The following RAB6B variants were observed in gnomAD, a reference collection of about 807,000 sequenced individuals.
The protein encoded by RAB6B is ras-related protein Rab-6B.
In RAB6B, 7 loss-of-function variants were observed where a neutral mutation model predicts 31.2. The ratio of observed to expected loss-of-function variants is 0.22; its 90% confidence interval spans 0.13 to 0.42. The LOEUF is 0.42. Among genes scored for constraint, RAB6B ranks in the 10% least tolerant of loss-of-function variants. The pLI is 1.00. For synonymous variants in RAB6B, 105 were observed against 104.9 expected, an observed-to-expected ratio of 1.00 and a Z score of -0.01; for missense variants, 149 against 280.6, an observed-to-expected ratio of 0.53 and a Z score of 3.35.
At chr3:133,872,731 C>G (rs909242452) in intron 1 of RAB6B, among the ~76,000 whole-genome samples, 1 of 152,188 alleles carries the variant, frequency 6.6e-6, no homozygotes, top group Non-Finnish European at 1.5e-5. Context: ...TGAGGAAACA[C>G]GTGAAAAACC....
intron 1 of RAB6B, among the ~76,000 whole-genome samples, chr3:133,886,490 G>A (rs1262586046): frequency 6.6e-6 from 1 of 152,166 alleles, no homozygotes; most frequent in Non-Finnish European, 1.5e-5. Flanking sequence ...CCCTGAGCAG[G>A]TTTGGTGGCC....
chr3:133,828,458 CAAAT>C lies in RAB6B; in HGVS notation c.*326_*329del. ...ATACAAAAACAAAAAGCACATCTTTCAAATAAAAATGACTACATTTTTATCTGGC... is the reference window on the plus strand; with the variant it reads ...ATACAAAAACAAAAAGCACATCTTTCAAAAATGACTACATTTTTATCTGGC... On this transcript the variant is annotated 3_prime_UTR_variant, in exon 8 of 8. Coordinates refer to ENST00000285208, the MANE Select transcript of RAB6B (RefSeq NM_016577.4). The C allele has an allele frequency of 2.5e-6, 1 of 405,972 alleles. No homozygotes were observed. Among genetic ancestry groups the C allele is most frequent in the Non-Finnish European group, 4.4e-6 (1 of 227,200 alleles). The allele number at this position is 405,972 out of a possible 1,614,324, so 25.1% of individuals were successfully genotyped here. A position where few individuals can be genotyped will look rare whatever the true frequency, so the allele number is the denominator to read the frequency against.
intron 1 of RAB6B, among the ~76,000 whole-genome samples, chr3:133,884,395 C>A (rs1257693812): frequency 6.6e-6 from 1 of 152,230 alleles, no homozygotes; most frequent in African/African-American, 2.4e-5. Flanking sequence ...TCTACTCTGG[C>A]CCCTTGGCTT....
At chr3:133,833,173 C>T (rs753299013) in intron 7 of RAB6B, among the ~76,000 whole-genome samples, 5 of 152,174 alleles carry the variant, frequency 3.3e-5, no homozygotes, top group Middle Eastern at 3.2e-3. Context: ...GTTCCTGGAA[C>T]CTCAAAGGAG....
At chr3:133,845,513 G>A (rs1270179226) in intron 2 of RAB6B, among the ~76,000 whole-genome samples, 1 of 152,212 alleles carries the variant, frequency 6.6e-6, no homozygotes, top group African/African-American at 2.4e-5. Flanking sequence ...CCTGAACTGT[G>A]AGCAATAAAT....
intron 1 of RAB6B, among the ~76,000 whole-genome samples, chr3:133,889,438 ATATATATT>A (rs1936605839): frequency 4.2e-5 from 3 of 70,776 alleles, no homozygotes; most frequent in Non-Finnish European, 5.7e-5. Context: ...ATATATATAT[ATATATATT>A]TATTTTGGGA....
At chr3:133,878,367 A>G (rs1462950850) in intron 1 of RAB6B, among the ~76,000 whole-genome samples, 8 of 152,236 alleles carry the variant, frequency 5.3e-5, no homozygotes, top group African/African-American at 1.9e-4. Context: ...TGCAAGCAAG[A>G]AGGCAATGGT....
intron 1 of RAB6B, among the ~76,000 whole-genome samples, chr3:133,891,897 G>A (rs1161278578): frequency 6.6e-6 from 1 of 152,192 alleles, no homozygotes; most frequent in Admixed American, 6.5e-5. Flanking sequence ...AGCAGACAGA[G>A]CTTTTGCGTC....
At chr3:133,855,490 T>A (rs1272965107) in intron 2 of RAB6B, among the ~76,000 whole-genome samples, 1 of 152,228 alleles carries the variant, frequency 6.6e-6, no homozygotes, top group Non-Finnish European at 1.5e-5. Context: ...ACATACACCT[T>A]CAAATTTTAA....
intron 5 of RAB6B, 49 bp from the exon 6 acceptor site, chr3:133,838,308 C>T (rs1325557173): frequency 1.9e-6 from 3 of 1,559,846 alleles, no homozygotes; most frequent in Non-Finnish European, 2.7e-6. Context: ...GAAGCAGACC[C>T]TGGCAGATAT....
At chr3:133,893,490 C>T (rs542284221) in intron 1 of RAB6B, among the ~76,000 whole-genome samples, 3 of 152,270 alleles carry the variant, frequency 2.0e-5, no homozygotes, top group East Asian at 3.9e-4. Context: ...CAGGGGCCTC[C>T]GTTCATCAGG....
chr3:133,864,003 A>G (rs1428828240), intron 2 of RAB6B, among the ~76,000 whole-genome samples: 1 of 152,100 alleles, frequency 6.6e-6, no homozygotes, highest in Non-Finnish European at 1.5e-5. Flanking sequence ...GGTTGACCCC[A>G]GACTACGCCT....
chr3:133,841,949 A>T (rs1935841945), intron 2 of RAB6B, among the ~76,000 whole-genome samples: 1 of 152,198 alleles, frequency 6.6e-6, no homozygotes, highest in African/African-American at 2.4e-5. Context: ...AGGCCTCCCC[A>T]GGAGCAAGGC....
chr3:133,828,048 CT>C lies in RAB6B; in HGVS notation c.*739del, dbSNP rs1215065212. ...GAGGGCACAGAGAACACAAGGTTGC[CT>C]GTACCCTCAACCCCCTTCAAGGCTT... On this transcript the variant is annotated 3_prime_UTR_variant, in exon 8 of 8. Transcript: ENST00000285208. 1 of 699,912 alleles carries C rather than the reference CT, an allele frequency of 1.4e-6. No individual in the cohort carries two copies. Among genetic ancestry groups the C allele is most frequent in the East Asian group, 2.7e-5 (1 of 37,240 alleles). The allele number at this position is 699,912 out of a possible 1,614,324, so 43.4% of individuals were successfully genotyped here. A position where few individuals can be genotyped will look rare whatever the true frequency, so the allele number is the denominator to read the frequency against.
chr3:133,876,881 T>C (rs1335618109), intron 1 of RAB6B, among the ~76,000 whole-genome samples: 1 of 151,910 alleles, frequency 6.6e-6, no homozygotes, highest in Non-Finnish European at 1.5e-5. Context: ...TGATGTTCCC[T>C]ATAAACAAAT....
chr3:133,871,559 C>A (rs147909042), intron 1 of RAB6B, among the ~76,000 whole-genome samples: 47 of 152,326 alleles, frequency 3.1e-4, no homozygotes, highest in Admixed American at 1.2e-3. Flanking sequence ...TTGTCTTGTG[C>A]CCACATCACA....
chr3:133,855,734 A>G (rs897986502), intron 2 of RAB6B, among the ~76,000 whole-genome samples: 1 of 152,342 alleles, frequency 6.6e-6, no homozygotes, highest in South Asian at 2.1e-4. Flanking sequence ...AGATTACTAA[A>G]GCCTGGAGCA....
intron 1 of RAB6B, among the ~76,000 whole-genome samples, chr3:133,882,805 G>A (rs891719000): frequency 6.6e-6 from 1 of 152,210 alleles, no homozygotes; most frequent in South Asian, 2.1e-4. Context: ...AACATCTGGG[G>A]TGCTATCCTC....
chr3:133,873,885 T>C lies in RAB6B; in HGVS notation c.71-9243A>G, dbSNP rs535139901. Among the ~76,000 whole-genome samples the C allele has an allele frequency of 1.4e-3, 219 of 152,370 alleles. 2 individuals carry two copies. Among genetic ancestry groups the C allele is most frequent in the Non-Finnish European group, 2.6e-3 (175 of 68,034 alleles). The stretch of plus-strand genomic sequence containing the variant: ...CAGGTATTTTGTGTTATATGTATTA[T>C]ATACTCTATTCTTAAGATAAGCTAG... On this transcript the variant is annotated intron_variant, in intron 1 of 7. Coordinates refer to ENST00000285208, the MANE Select transcript of RAB6B (RefSeq NM_016577.4).
Sources: gnomAD v4.1 joint callset for allele counts (sites outside exome capture counted in the v4.1 genomes callset) on GRCh38, gnomAD v4.1.1 for gene constraint, MANE v1.5 for transcripts, NCBI Gene and HGNC (gene_info 2026-07-23, HGNC 2026-07-21) for gene names.